GPRIN2: variants seen among roughly 807,000 people sequenced by gnomAD.
GPRIN2 encodes G protein-regulated inducer of neurite outgrowth 2.
GPRIN2 carries 1 observed loss-of-function variant against 0.3 expected under a neutral mutation model. The observed-to-expected ratio is 3.90, with a 90% CI of 1.39 to 18.51. The LOEUF (loss-of-function observed/expected upper bound fraction) is 18.51. Ranked by LOEUF, GPRIN2 falls within the 30% of genes most tolerant of loss-of-function variation. GPRIN2 has a pLI of 0.11. For synonymous variants in GPRIN2, 361 were observed against 258.6 expected (o/e 1.40, Z -3.80); for missense variants, 880 against 604.2 (o/e 1.46, Z -4.79).
In GPRIN2 at chr10:46,545,273, C is replaced by A. The variant is rs1293620455; in HGVS notation, c.*4087G>T. Among the ~76,000 whole-genome samples, 3 of 152,306 alleles carry A rather than the reference C, an allele frequency of 2.0e-5. No homozygotes were observed. Among genetic ancestry groups the A allele is most frequent in the African/African-American group, 7.2e-5 (3 of 41,486 alleles). ...GCCCTACGACTCCAGCAGAAACCTA[C>A]CCTGGGGCTCCTAGAGCTTCCTAGC... On this transcript the variant is annotated 3_prime_UTR_variant, in exon 3 of 3. Transcript: ENST00000374314.
At position 46,549,895 on chromosome 10, in the gene GPRIN2, C is replaced by G; in HGVS notation, c.842G>C (p.Arg281Thr). The G allele has an allele frequency of 1.9e-6, 3 of 1,614,278 alleles. No homozygotes were observed. Among genetic ancestry groups the G allele is most frequent in the South Asian group, 1.1e-5 (1 of 91,092 alleles). ...QAQHGVKIHCRLSGGLPGHSH... is the reference protein window; with the variant it reads ...QAQHGVKIHCTLSGGLPGHSH... The stretch of plus-strand genomic sequence containing the variant: ...ATGCCCAGGGAGCCCCCCAGACAAC[C>G]TACAGTGGATCTTCACCCCATGCTG... The change falls in exon 3 of 3, where the codon AGG (arginine) becomes ACG (threonine). Residue 281 changes from arginine (R) to threonine (T), a missense_variant. Coordinates refer to ENST00000374314, the MANE Select transcript of GPRIN2 (RefSeq NM_001385282.1).
chr10:46,547,198 C>T lies in GPRIN2; in HGVS notation c.*2162G>A, dbSNP rs1321837309. Among the ~76,000 whole-genome samples the T allele has an allele frequency of 6.6e-6, 1 of 152,244 alleles. No individual in the cohort carries two copies. Among genetic ancestry groups the T allele is most frequent in the Non-Finnish European group, 1.5e-5 (1 of 68,020 alleles). On this transcript the variant is annotated 3_prime_UTR_variant, in exon 3 of 3. Transcript: ENST00000374314. ...ATGCCTCCTCCCCAAATCCATTGCA[C>T]ACATGTGTGCCTGTGTATGCGTGTG...
Position 46,544,269 on chromosome 10 carries a change from G to A in GPRIN2, c.*5091C>T, listed in dbSNP as rs1832999700. Reference sequence around the variant, plus strand: ...CAAGATGGACAGGAAAGAGGCCAAGGGCAGGCAGTTCCCAATCTCCACAAG... The same window carrying A: ...CAAGATGGACAGGAAAGAGGCCAAGAGCAGGCAGTTCCCAATCTCCACAAG... On this transcript the variant is annotated 3_prime_UTR_variant, in exon 3 of 3. Coordinates refer to ENST00000374314, the MANE Select transcript of GPRIN2 (RefSeq NM_001385282.1). Among the ~76,000 whole-genome samples, 12 of 152,422 alleles carry A rather than the reference G, an allele frequency of 7.9e-5. No individual in the cohort carries two copies. The highest frequency in any genetic ancestry group is 2.6e-4 in the African/African-American group (11 of 41,602).
chr10:46,551,687 C>G (rs1372718862), intron 2 of GPRIN2, among the ~76,000 whole-genome samples: 1 of 152,312 alleles, frequency 6.6e-6, no homozygotes, highest in Non-Finnish European at 1.5e-5. Context: ...CTCATTGTCC[C>G]CCACCCTCCG....
rs1832327411 is a variant in GPRIN2, at chr10:46,550,551, C to T, written c.186G>A (p.Pro62=). 1.0e-3 allele frequency: 1,635 copies of T among 1,587,684 alleles called. No individual in the cohort carries two copies. Among genetic ancestry groups the T allele is most frequent in the South Asian group, 1.7e-3 (149 of 87,032 alleles). ...TCTCAGGCGGGTTCCCCTCTTCCTC[C>T]GGGGCCTGGGGTCTGGTGCTGGCCT... ...LGEASTRPQA[P]EEEGNPPESM... Residue 62 remains proline, a synonymous_variant, in exon 3 of 3, where the codon CCG becomes CCA. Coordinates refer to ENST00000374314, the MANE Select transcript of GPRIN2 (RefSeq NM_001385282.1).
rs1832807072 is a variant in GPRIN2, at chr10:46,548,362, C to T, written c.*998G>A. Among the ~76,000 whole-genome samples the T allele has an allele frequency of 2.6e-5, 4 of 152,300 alleles. No individual in the cohort carries two copies. The highest frequency in any genetic ancestry group is 7.2e-5 in the African/African-American group (3 of 41,482). On this transcript the variant is annotated 3_prime_UTR_variant, in exon 3 of 3. Transcript: ENST00000374314. ...CCCTACCCCAGGGCCAGGGCAAACT[C>T]CTGCCCTGTCCCCCTCCATTCCTGC...
In GPRIN2 at chr10:46,543,973, T is replaced by TTA. The variant is rs1841940051; in HGVS notation, c.*5386_*5387insTA. On this transcript the variant is annotated 3_prime_UTR_variant, in exon 3 of 3. Coordinates refer to ENST00000374314, the MANE Select transcript of GPRIN2 (RefSeq NM_001385282.1). ...CTTTGGTTTCGCTTGTTTTTTTTTT[T>TTA]AGTAAACATCAGCTTTCCTCAGGTG... 6.6e-6 allele frequency among the ~76,000 whole-genome samples: 1 copy of TTA among 152,260 alleles called. No homozygotes were observed. The highest frequency in any genetic ancestry group is 2.4e-5 in the African/African-American group (1 of 41,476).
At position 46,549,856 on chromosome 10, in the gene GPRIN2, G is replaced by A. The variant is rs1832571047; in HGVS notation, c.881C>T (p.Ala294Val). 1.2e-4 allele frequency: 186 copies of A among 1,613,886 alleles called. No individual in the cohort carries two copies. Among genetic ancestry groups the A allele is most frequent in the Non-Finnish European group, 1.3e-4 (157 of 1,179,828 alleles). The change falls in exon 3 of 3, where the codon GCC (alanine) becomes GTC (valine). Residue 294 changes from alanine to valine, a missense_variant. Physicochemically the swap from Ala to Val is moderately conservative, Grantham distance 64. Transcript: ENST00000374314. Reference sequence around the variant, plus strand: ...TAACCCAGCGGGACCCCAAAGGTGGGCACAGCAATGGGAATGCCCAGGGAG... The same window carrying A: ...TAACCCAGCGGGACCCCAAAGGTGGACACAGCAATGGGAATGCCCAGGGAG... ...GGLPGHSHCC[A>V]HLWGPAGLVP...
In GPRIN2 at chr10:46,547,888, C is replaced by T. The variant is rs1832828775; in HGVS notation, c.*1472G>A. Among the ~76,000 whole-genome samples the T allele has an allele frequency of 1.4e-4, 21 of 152,400 alleles. No homozygotes were observed. The highest frequency in any genetic ancestry group is 4.1e-4 in the South Asian group (2 of 4,832). ...TTCAGGAGGCATCTGACCTGACGCA[C>T]GCCTTTGTCACTTTGTCCTTGTGGC... On this transcript the variant is annotated 3_prime_UTR_variant, in exon 3 of 3. Transcript: ENST00000374314.
intron 1 of GPRIN2, among the ~76,000 whole-genome samples, chr10:46,554,929 A>G (rs966441031): frequency 2.6e-5 from 4 of 152,306 alleles, no homozygotes; most frequent in African/African-American, 4.8e-5. Context: ...GCATCCATCT[A>G]AGTCCCCTCT....
At position 46,542,729 on chromosome 10, in the gene GPRIN2, T is replaced by C. The variant is rs1461297932; in HGVS notation, c.*6631A>G. Among the ~76,000 whole-genome samples the C allele has an allele frequency of 6.6e-6, 1 of 152,424 alleles. No homozygotes were observed. Among genetic ancestry groups the C allele is most frequent in the Middle Eastern group, 3.4e-3 (1 of 294 alleles). ...GACAGAAATCTCCTCCTCCAGTCCC[T>C]AGCCTTGGCTCTTGGACACGAATCC... is the stretch of plus-strand genomic sequence containing the variant. On this transcript the variant is annotated 3_prime_UTR_variant, in exon 3 of 3. Transcript: ENST00000374314.
Position 46,542,243 on chromosome 10 carries a change from A to G in GPRIN2, c.*7117T>C, listed in dbSNP as rs1378783936. 6.6e-6 allele frequency among the ~76,000 whole-genome samples: 1 copy of G among 152,308 alleles called. No homozygotes were observed. The highest frequency in any genetic ancestry group is 1.5e-5 in the Non-Finnish European group (1 of 68,056). ...TGGAGGGGAGAATTCTACCCCTCCC[A>G]GGGTTCCAGCCCCAACAGAGGCTCC... is the stretch of plus-strand genomic sequence containing the variant. On this transcript the variant is annotated 3_prime_UTR_variant, in exon 3 of 3. Coordinates refer to ENST00000374314, the MANE Select transcript of GPRIN2 (RefSeq NM_001385282.1).
At chr10:46,551,972 G>A (rs1832152152) in intron 2 of GPRIN2, among the ~76,000 whole-genome samples, 36 of 152,408 alleles carry the variant, frequency 2.4e-4, no homozygotes, top group East Asian at 5.8e-4. Context: ...CTGATGTGTC[G>A]TCGGCACTCA....
At position 46,548,674 on chromosome 10, in the gene GPRIN2, T is replaced by C. The variant is rs1338123544; in HGVS notation, c.*686A>G. Among the ~76,000 whole-genome samples the C allele has an allele frequency of 6.6e-6, 1 of 152,312 alleles. No homozygotes were observed. Among genetic ancestry groups the C allele is most frequent in the African/African-American group, 2.4e-5 (1 of 41,488 alleles). The stretch of plus-strand genomic sequence containing the variant: ...AATCCACAGAACCCAGCACAGAGTA[T>C]GAGCTCAGTAAATTCTCCTCATACA... On this transcript the variant is annotated 3_prime_UTR_variant, in exon 3 of 3. Coordinates refer to ENST00000374314, the MANE Select transcript of GPRIN2 (RefSeq NM_001385282.1).
chr10:46,542,552 TTGTAAGTTTCCTGAGGCTTCC>T lies in GPRIN2; in HGVS notation c.*6787_*6807del, dbSNP rs1324162185. ...GCTTCTCCTTCGCTGTCTGCCATGA[TTGTAAGTTTCCTGAGGCTTCC>T]TGTAAGTTTCCTGAGGCTCCCCGGG... On this transcript the variant is annotated 3_prime_UTR_variant, in exon 3 of 3. Transcript: ENST00000374314. 1.3e-5 allele frequency among the ~76,000 whole-genome samples: 2 copies of T among 152,306 alleles called. No individual in the cohort carries two copies. Among genetic ancestry groups the T allele is most frequent in the African/African-American group, 2.4e-5 (1 of 41,484 alleles).
In GPRIN2 at chr10:46,547,670, C is replaced by T. The variant is rs1449759342; in HGVS notation, c.*1690G>A. 1.1e-4 allele frequency among the ~76,000 whole-genome samples: 16 copies of T among 152,294 alleles called. No individual in the cohort carries two copies. The highest frequency in any genetic ancestry group is 3.4e-4 in the African/African-American group (14 of 41,480). ...TTTGTTCTCTCTCATGTGGCCCTAACAGGCTGGGGTTCCTGGAGACTCCAT... is the reference window on the plus strand; with the variant it reads ...TTTGTTCTCTCTCATGTGGCCCTAATAGGCTGGGGTTCCTGGAGACTCCAT... On this transcript the variant is annotated 3_prime_UTR_variant, in exon 3 of 3. Coordinates refer to ENST00000374314, the MANE Select transcript of GPRIN2 (RefSeq NM_001385282.1).
chr10:46,545,660 T>C lies in GPRIN2; in HGVS notation c.*3700A>G, dbSNP rs981486700. On this transcript the variant is annotated 3_prime_UTR_variant, in exon 3 of 3. Coordinates refer to ENST00000374314, the MANE Select transcript of GPRIN2 (RefSeq NM_001385282.1). Reference sequence around the variant, plus strand: ...GAAAGAGGCTCTGAACAAGGGACTTTTAAGGAAGTGGGATGTGGGCTGTGA... The same window carrying C: ...GAAAGAGGCTCTGAACAAGGGACTTCTAAGGAAGTGGGATGTGGGCTGTGA... 3.3e-5 allele frequency among the ~76,000 whole-genome samples: 5 copies of C among 152,292 alleles called. No homozygotes were observed. Among genetic ancestry groups the C allele is most frequent in the African/African-American group, 4.8e-5 (2 of 41,488 alleles).
In GPRIN2 at chr10:46,549,124, A is replaced by ACATCT; in HGVS notation, c.*235_*236insAGATG. 1 of 501,722 alleles carries ACATCT rather than the reference A, an allele frequency of 2.0e-6. No individual in the cohort carries two copies. The highest frequency in any genetic ancestry group is 6.2e-5 in the South Asian group (1 of 16,204). The allele number at this position is 501,722 out of a possible 1,614,324, so 31.1% of individuals were successfully genotyped here. ...GTGCTAAAGCCCTGTCTCAAAGTTC[A>ACATCT]GAGCCCGGAAGGTGCAGAGATGTGG... is the stretch of plus-strand genomic sequence containing the variant. On this transcript the variant is annotated 3_prime_UTR_variant, in exon 3 of 3. Transcript: ENST00000374314.
Position 46,549,631 on chromosome 10 carries a change from C to G in GPRIN2, c.1106G>C (p.Gly369Ala). Residue 369 changes from glycine to alanine, a missense_variant, in exon 3 of 3, where the codon GGG (glycine) becomes GCG (alanine). Physicochemically the swap from Gly to Ala is moderately conservative, Grantham distance 60 (BLOSUM62 0). Coordinates refer to ENST00000374314, the MANE Select transcript of GPRIN2 (RefSeq NM_001385282.1). Reference protein sequence around the residue: ...ALHVFPEVTLGSSLEEVPSPV... With the variant: ...ALHVFPEVTLASSLEEVPSPV... ...GGACGGCACCTCCTCCAGGCTGGAC[C>G]CCAGAGTTACCTCTGGGAACACATG... The G allele has an allele frequency of 6.2e-7, 1 of 1,614,260 alleles. No homozygotes were observed. Among genetic ancestry groups the G allele is most frequent in the South Asian group, 1.1e-5 (1 of 91,092 alleles).
Sources: allele counts gnomAD v4.1 joint callset (sites outside exome capture counted in the v4.1 genomes callset), GRCh38; gene constraint gnomAD v4.1.1; transcripts MANE v1.5; gene names NCBI Gene and HGNC (gene_info 2026-07-23, HGNC 2026-07-21).